Variants in C2CD2 observed in about 807,000 individuals in gnomAD.
The protein encoded by C2CD2 is C2 domain-containing protein 2.
C2CD2 carries 43 observed loss-of-function variants against 74.3 expected under a neutral mutation model. The ratio of observed to expected loss-of-function variants is 0.58; its 90% CI spans 0.45 to 0.75. C2CD2 has a LOEUF of 0.75. C2CD2 is among the 30% of genes least tolerant of loss of function. The pLI is 0.00. For synonymous variants in C2CD2, 422 were observed against 390.7 expected (o/e 1.08, Z -0.94); for missense variants, 801 against 916.3 (o/e 0.87, Z 1.63).
At chr21:41,946,879 T>C (rs1218080359) in intron 1 of C2CD2, among the ~76,000 whole-genome samples, 1 of 151,842 alleles carries the variant, frequency 6.6e-6, no homozygotes, top group Non-Finnish European at 1.5e-5. Context: ...AAAATAATGA[T>C]CAACAGTCTT....
intron 13 of C2CD2, among the ~76,000 whole-genome samples, chr21:41,891,574 G>T (rs901571675): frequency 1.3e-5 from 2 of 152,148 alleles, no homozygotes; most frequent in African/African-American, 4.8e-5. Flanking sequence ...GGTGACCTGA[G>T]GCTGGGGGAT....
In C2CD2 at chr21:41,899,726, A is replaced by G. The variant is rs2839419; in HGVS notation, c.1561-364T>C. On this transcript the variant is annotated intron_variant, in intron 12 of 13. Transcript: ENST00000380486. This position sits in a 1 kb window ranked among gnomAD's most constrained non-coding sequence, Gnocchi z 4.4. Reference sequence around the variant, plus strand: ...CAGAGTCCACGACAGCACAAAGGAAATGGCCGTGGGTGTTTCGGGTTTAGC... The same window carrying G: ...CAGAGTCCACGACAGCACAAAGGAAGTGGCCGTGGGTGTTTCGGGTTTAGC... Among the ~76,000 whole-genome samples, 24,247 of 152,100 alleles carry G rather than the reference A, an allele frequency of 0.16. 2,127 individuals are homozygous for G. Among genetic ancestry groups the G allele is most frequent in the Middle Eastern group, 0.33 (98 of 294 alleles).
chr21:41,894,735 A>C (rs1456343573), intron 13 of C2CD2: 1 of 456,684 alleles, frequency 2.2e-6, no homozygotes, highest in Non-Finnish European at 4.4e-6. Flanking sequence ...TCCCTTTCTC[A>C]ATAGCAATGG....
chr21:41,943,417 T>C (rs890319753), intron 1 of C2CD2, among the ~76,000 whole-genome samples: 10 of 152,160 alleles, frequency 6.6e-5, no homozygotes, highest in African/African-American at 2.2e-4. Context: ...CTTGTCCAAG[T>C]CTTGTCTAGC....
intron 7 of C2CD2, among the ~76,000 whole-genome samples, chr21:41,911,351 T>A (rs2065023262): frequency 6.6e-6 from 1 of 151,952 alleles, no homozygotes; most frequent in Admixed American, 6.6e-5. Flanking sequence ...CTTACCCCAT[T>A]ATTTATGCAT....
chr21:41,907,921 G>A, intron 8 of C2CD2, 137 bp from the exon 9 acceptor site: 1 of 854,930 alleles, frequency 1.2e-6, no homozygotes, highest in Non-Finnish European at 1.9e-6. Context: ...TCACGTTTCA[G>A]AATGTTTGAA....
chr21:41,921,493 A>G (rs984272387), intron 3 of C2CD2, among the ~76,000 whole-genome samples: 2 of 152,252 alleles, frequency 1.3e-5, no homozygotes, highest in African/African-American at 4.8e-5. Context: ...TATTATGAAA[A>G]CATGGAATAA....
In C2CD2 at chr21:41,924,870, C is replaced by G. The variant is rs1289702516; in HGVS notation, c.379-2785G>C. The stretch of plus-strand genomic sequence containing the variant: ...CTTTCGTATCCAGTTCTGCAGAAAG[C>G]TTCCCACCACGCACTCCCTGATACA... On this transcript the variant is annotated intron_variant, in intron 2 of 13. Coordinates refer to ENST00000380486, the MANE Select transcript of C2CD2 (RefSeq NM_015500.2). This position sits in a 1 kb window ranked among gnomAD's most constrained non-coding sequence, Gnocchi z 4.4. 2.0e-5 allele frequency among the ~76,000 whole-genome samples: 3 copies of G among 152,112 alleles called. No individual in the cohort carries two copies. The highest frequency in any genetic ancestry group is 2.0e-4 in the Admixed American group (3 of 15,268).
intron 5 of C2CD2, among the ~76,000 whole-genome samples, chr21:41,916,592 A>T (rs1192360468): frequency 6.6e-6 from 1 of 150,392 alleles, no homozygotes; most frequent in Non-Finnish European, 1.5e-5. Context: ...TACCCCACAG[A>T]CTCTCCCGGG....
chr21:41,925,431 C>T (rs2065200277), intron 2 of C2CD2, among the ~76,000 whole-genome samples: 1 of 152,158 alleles, frequency 6.6e-6, no homozygotes, highest in South Asian at 2.1e-4. Context: ...CTGCAGTGAG[C>T]CGTGATTGTG....
chr21:41,885,586 G>T lies in C2CD2; in HGVS notation c.*3538C>A, dbSNP rs2064674739. ...TTTGGGGCAGTGGGGAGAGGGCCTG[G>T]CAGCAGGGTTTACGCCAGCCCCGAG... On this transcript the variant is annotated 3_prime_UTR_variant, in exon 14 of 14. Coordinates refer to ENST00000380486, the MANE Select transcript of C2CD2 (RefSeq NM_015500.2). 6.5e-6 allele frequency: 1 copy of T among 152,740 alleles called. No homozygotes were observed. The highest frequency in any genetic ancestry group is 2.4e-5 in the African/African-American group (1 of 41,454). The allele number at this position is 152,740 out of a possible 1,614,324, so 9.5% of individuals were successfully genotyped here. A position where few individuals can be genotyped will look rare whatever the true frequency, so the allele number is the denominator to read the frequency against.
intron 2 of C2CD2, among the ~76,000 whole-genome samples, chr21:41,935,526 A>G (rs2065299651): frequency 6.6e-6 from 1 of 152,170 alleles, no homozygotes; most frequent in South Asian, 2.1e-4. Context: ...AAACTGCAGC[A>G]TGCCCGTCTG....
At chr21:41,889,606 A>G (rs905413482) in intron 13 of C2CD2, among the ~76,000 whole-genome samples, 3 of 151,378 alleles carry the variant, frequency 2.0e-5, no homozygotes, top group African/African-American at 7.3e-5. Flanking sequence ...TCCCTTTCTA[A>G]GGCCGATATT....
chr21:41,892,426 C>T lies in C2CD2; in HGVS notation c.1871-3082G>A, dbSNP rs535861433. Among the ~76,000 whole-genome samples the T allele has an allele frequency of 1.4e-4, 22 of 152,264 alleles. No homozygotes were observed. Among genetic ancestry groups the T allele is most frequent in the Non-Finnish European group, 2.6e-4 (18 of 68,016 alleles). Reference sequence around the variant, plus strand: ...ACACCCAGTTTGTGGTACTTTGATACAGCCCTGGGAGGGGAGGGGGCGCAT... The same window carrying T: ...ACACCCAGTTTGTGGTACTTTGATATAGCCCTGGGAGGGGAGGGGGCGCAT... On this transcript the variant is annotated intron_variant, in intron 13 of 13. Transcript: ENST00000380486. The surrounding 1 kb of genome is among the most constrained non-coding windows in gnomAD (Gnocchi z 4.6).
rs141577996 is a variant in C2CD2, at chr21:41,898,454, C to T, written c.1870+599G>A. Among the ~76,000 whole-genome samples the T allele has an allele frequency of 5.9e-5, 9 of 152,272 alleles. No individual in the cohort carries two copies. The East Asian group carries it at 1.2e-3, about 20-fold the overall frequency. ...GGCACTGTCTCGGCAAATCTGCACA[C>T]GCTTAAGGAATTTATAGTTTTAAAG... On this transcript the variant is annotated intron_variant, in intron 13 of 13. Transcript: ENST00000380486.
At chr21:41,949,138 G>T (rs998941457) in intron 1 of C2CD2, among the ~76,000 whole-genome samples, 1 of 151,960 alleles carries the variant, frequency 6.6e-6, no homozygotes, top group African/African-American at 2.4e-5. Flanking sequence ...GCCTTGGGAG[G>T]AGTTCTGGGC....
At chr21:41,894,205 G>A (rs1301354544) in intron 13 of C2CD2, among the ~76,000 whole-genome samples, 2 of 152,198 alleles carry the variant, frequency 1.3e-5, no homozygotes, top group African/African-American at 2.4e-5. Context: ...TTGCAGTTCT[G>A]TAGACTGGAC....
chr21:41,944,950 ATAACCACAC>A (rs1290985189), intron 1 of C2CD2, among the ~76,000 whole-genome samples: 1 of 152,256 alleles, frequency 6.6e-6, no homozygotes, highest in Non-Finnish European at 1.5e-5. Context: ...AATGAACAAT[ATAACCACAC>A]TGAAGGGGAT....
At chr21:41,916,409 G>C (rs2065090964) in intron 5 of C2CD2, among the ~76,000 whole-genome samples, 1 of 143,434 alleles carries the variant, frequency 7.0e-6, no homozygotes, top group Non-Finnish European at 1.5e-5. Flanking sequence ...GGAACAGAAA[G>C]GCTGAGTAAA....
Sources: allele counts gnomAD v4.1 joint callset (sites outside exome capture counted in the v4.1 genomes callset), GRCh38; gene constraint gnomAD v4.1.1; non-coding constraint Gnocchi (gnomAD v3.1); transcripts MANE v1.5; gene names NCBI Gene and HGNC (gene_info 2026-07-23, HGNC 2026-07-21).